Variants in TLE1 observed in about 807,000 individuals in gnomAD.
TLE1 encodes TLE family member 1, transcriptional corepressor.
In TLE1, 21 loss-of-function variants were observed where a neutral mutation model predicts 89.8. That is an observed-to-expected ratio of 0.23 (90% CI 0.17 to 0.34). The LOEUF (loss-of-function observed/expected upper bound fraction) is 0.34. Among genes scored for constraint, TLE1 ranks in the 10% least tolerant of loss-of-function variants. The probability of loss-of-function intolerance (pLI) is 1.00; values close to 1 mark genes in which losing one functional copy is unlikely to be tolerated. For missense variants in TLE1, 795 were observed against 1,031.2 expected, an observed-to-expected ratio of 0.77 and a Z score of 3.14; for synonymous variants, 447 against 407.6, an observed-to-expected ratio of 1.10 and a Z score of -1.16.
chr9:81,587,635 C>A (rs1327847037), intron 17 of TLE1, 46 bp downstream of exon 17: 3 of 1,564,498 alleles, frequency 1.9e-6, no homozygotes, highest in Middle Eastern at 1.7e-4. Flanking sequence ...AAGACACACC[C>A]CAGCCACCTC....
chr9:81,589,080 TCCA>T, intron 16 of TLE1, among the ~76,000 whole-genome samples: 1 of 152,262 alleles, frequency 6.6e-6, no homozygotes, highest in East Asian at 1.9e-4. Flanking sequence ...CAGCTGGACC[TCCA>T]ATGTTTCCGC....
At chr9:81,587,193 G>A (rs1169018374) in intron 17 of TLE1, among the ~76,000 whole-genome samples, 1 of 152,138 alleles carries the variant, frequency 6.6e-6, no homozygotes, top group Non-Finnish European at 1.5e-5. Flanking sequence ...TATCACTGAG[G>A]TATCTGTGCA....
chr9:81,664,432 TCAC>T (rs2132823659), intron 4 of TLE1, among the ~76,000 whole-genome samples: 1 of 152,352 alleles, frequency 6.6e-6, no homozygotes, highest in South Asian at 2.1e-4. Flanking sequence ...ATTTCTCCCA[TCAC>T]AGTGCCTTGC....
chr9:81,618,634 C>T (rs1254996400), intron 9 of TLE1, among the ~76,000 whole-genome samples: 1 of 152,088 alleles, frequency 6.6e-6, no homozygotes, highest in Non-Finnish European at 1.5e-5. Flanking sequence ...TCTGTTTTCT[C>T]TTGGTAAAGC....
chr9:81,686,537 C>G (rs1588281719), intron 2 of TLE1, among the ~76,000 whole-genome samples: 1 of 152,116 alleles, frequency 6.6e-6, no homozygotes, highest in Admixed American at 6.5e-5. Context: ...AAATTCACAC[C>G]CAAGCCACTT....
chr9:81,642,029 AAAAGAAAG>A (rs146854497), intron 6 of TLE1, among the ~76,000 whole-genome samples: 6,927 of 152,158 alleles, frequency 0.046, 555 homozygotes, highest in African/African-American at 0.16. Flanking sequence ...TCTCCAAAAA[AAAAGAAAG>A]AAAGAAAGAA....
Position 81,689,021 on chromosome 9 carries a change from A to T in TLE1, c.-781T>A, listed in dbSNP as rs1834716038. The T allele has an allele frequency of 6.6e-6, 1 of 152,018 alleles. No homozygotes were observed. The allele number at this position is 152,018 out of a possible 1,614,324, so 9.4% of individuals were successfully genotyped here. A position where few individuals can be genotyped will look rare whatever the true frequency, so the allele number is the denominator to read the frequency against. On this transcript the variant is annotated 5_prime_UTR_variant, in exon 1 of 20. Transcript: ENST00000376499. ...CCGACGGGGCTACTCCACCGAGAGC[A>T]GTCCCGCAAGTGCCCAATGCTCCTC...
At chr9:81,676,933 T>C (rs961418067) in intron 4 of TLE1, among the ~76,000 whole-genome samples, 2 of 152,222 alleles carry the variant, frequency 1.3e-5, no homozygotes, top group East Asian at 1.9e-4. Context: ...TACAACAATG[T>C]ATGTATGTAA....
At chr9:81,632,198 A>C (rs913743940) in intron 8 of TLE1, among the ~76,000 whole-genome samples, 12 of 152,184 alleles carry the variant, frequency 7.9e-5, no homozygotes, top group Admixed American at 2.0e-4. Context: ...AGAATATTTT[A>C]TTTCCCAGCT....
rs372525045 is a variant in TLE1 at position 81,654,403 on chromosome 9, C to T, written c.235-367G>A. On this transcript the variant is annotated intron_variant, in intron 4 of 19. Coordinates refer to ENST00000376499, the MANE Select transcript of TLE1 (RefSeq NM_005077.5). ...TCGCCCAGGCTGGAGTGCAGTGGCACGATCTCGGCTCACCACAAGCTCTGC... is the reference window on the plus strand; with the variant it reads ...TCGCCCAGGCTGGAGTGCAGTGGCATGATCTCGGCTCACCACAAGCTCTGC... 0.01 allele frequency among the ~76,000 whole-genome samples: 1,597 copies of T among 152,222 alleles called. 45 individuals are homozygous for T. In the South Asian group the frequency reaches 0.12, roughly 12 times the overall value.
chr9:81,603,422 G>A (rs989664822), intron 14 of TLE1, among the ~76,000 whole-genome samples: 12 of 152,178 alleles, frequency 7.9e-5, no homozygotes, highest in African/African-American at 2.9e-4. Context: ...GAGAGATCCA[G>A]GAAAGACTTT....
rs1248680751 is a variant in TLE1 at position 81,593,259 on chromosome 9, G to A, written c.1347C>T (p.His449=). 3.7e-6 allele frequency: 6 copies of A among 1,612,880 alleles called. No individual in the cohort carries two copies. The highest frequency in any genetic ancestry group is 5.1e-6 in the Non-Finnish European group (6 of 1,179,064). Residue 449 remains histidine (H), a synonymous_variant, in exon 15 of 20, where the codon CAC becomes CAT. Transcript: ENST00000376499. ...IPGGKPAYSF[H]VTADGQMQPV... Reference sequence around the variant, plus strand: ...GCTGCATCTGACCGTCTGCAGTAACGTGGAAGGAGTATGCACTTTTGGAAA... The same window carrying A: ...GCTGCATCTGACCGTCTGCAGTAACATGGAAGGAGTATGCACTTTTGGAAA...
intron 4 of TLE1, among the ~76,000 whole-genome samples, chr9:81,670,475 G>A (rs564933685): frequency 3.9e-5 from 6 of 152,064 alleles, no homozygotes; most frequent in East Asian, 1.9e-4. Flanking sequence ...ACAGGCGTGC[G>A]CCACTGTGCC....
chr9:81,592,173 A>G (rs1031417500), intron 15 of TLE1, among the ~76,000 whole-genome samples: 11 of 152,192 alleles, frequency 7.2e-5, no homozygotes, highest in Non-Finnish European at 1.6e-4. Flanking sequence ...TCTGGCTAAC[A>G]TGGTGAAACC....
intron 4 of TLE1, among the ~76,000 whole-genome samples, chr9:81,682,110 C>G (rs149098757): frequency 6.6e-6 from 1 of 151,986 alleles, no homozygotes; most frequent in Non-Finnish European, 1.5e-5. Flanking sequence ...AAAAGTTAGC[C>G]GGGCATGGTG....
intron 4 of TLE1, among the ~76,000 whole-genome samples, chr9:81,671,157 G>A (rs1048564957): frequency 1.3e-5 from 2 of 152,030 alleles, no homozygotes; most frequent in African/African-American, 4.8e-5. Flanking sequence ...AACAGAGTGA[G>A]ACTCTGTCTC....
At chr9:81,632,496 T>A (rs796565830) in intron 8 of TLE1, among the ~76,000 whole-genome samples, 2,821 of 149,442 alleles carry the variant, frequency 0.019, 58 homozygotes, top group Admixed American at 0.042. Flanking sequence ...TTTTTTTTTT[T>A]ACCATATTAA....
intron 4 of TLE1, among the ~76,000 whole-genome samples, chr9:81,674,060 C>T (rs1383824379): frequency 2.0e-5 from 3 of 152,160 alleles, no homozygotes; most frequent in South Asian, 2.1e-4. Context: ...GCACAAATAA[C>T]GGTGGCTGCA....
At chr9:81,624,886 G>T (rs1825722169) in intron 8 of TLE1, among the ~76,000 whole-genome samples, 1 of 152,110 alleles carries the variant, frequency 6.6e-6, no homozygotes, top group South Asian at 2.1e-4. Flanking sequence ...CAAATCAGCT[G>T]AAAACACACT....
Sources: allele counts gnomAD v4.1 joint callset (sites outside exome capture counted in the v4.1 genomes callset), GRCh38; gene constraint gnomAD v4.1.1; transcripts MANE v1.5; gene names NCBI Gene and HGNC (gene_info 2026-07-23, HGNC 2026-07-21).